The following B3GALT1 variants were observed in gnomAD, a reference collection of about 807,000 sequenced individuals.
B3GALT1 encodes the protein beta-1,3-galactosyltransferase 1.
A neutral mutation model predicts 23.2 loss-of-function variants in B3GALT1; 10 were observed. The observed-to-expected ratio is 0.43, with a 90% CI of 0.27 to 0.73. The LOEUF (loss-of-function observed/expected upper bound fraction) is 0.73, where lower values mean the gene tolerates loss of function less well. Ranked by LOEUF, B3GALT1 falls within the 30% of genes least tolerant of loss-of-function variation. B3GALT1 has a pLI of 0.21. For missense variants in B3GALT1, 299 were observed against 405.4 expected (o/e 0.74, Z 2.25); for synonymous variants, 156 against 141.5 (o/e 1.10, Z -0.73).
intron 1 of B3GALT1, among the ~76,000 whole-genome samples, chr2:167,323,909 A>G (rs888191798): frequency 6.6e-6 from 1 of 151,892 alleles, no homozygotes; most frequent in African/African-American, 2.4e-5. Context: ...TATTACTCCA[A>G]AGTTATGCTT....
At chr2:167,432,908 T>C (rs955076276) in intron 1 of B3GALT1, among the ~76,000 whole-genome samples, 2 of 152,192 alleles carry the variant, frequency 1.3e-5, no homozygotes, top group South Asian at 4.1e-4. Flanking sequence ...TTGTTACAAC[T>C]GATGAACCTA....
intron 3 of B3GALT1, among the ~76,000 whole-genome samples, chr2:167,751,730 CT>C (rs1323841243): frequency 6.6e-6 from 1 of 152,166 alleles, no homozygotes; most frequent in Non-Finnish European, 1.5e-5. Flanking sequence ...TATTTCACAG[CT>C]CATTTAGTCA....
At chr2:167,330,549 G>T (rs761475566) in intron 1 of B3GALT1, among the ~76,000 whole-genome samples, 3 of 152,160 alleles carry the variant, frequency 2.0e-5, no homozygotes, top group Non-Finnish European at 2.9e-5. Context: ...GGTTGAGGCC[G>T]CAGTGAGCCA....
chr2:167,863,737 G>A (rs1690151394), intron 4 of B3GALT1, among the ~76,000 whole-genome samples: 1 of 152,092 alleles, frequency 6.6e-6, no homozygotes, highest in Non-Finnish European at 1.5e-5. Context: ...AATCTGTTTG[G>A]TTATAAGCAA....
At chr2:167,806,784 G>C (rs1307503055) in intron 3 of B3GALT1, among the ~76,000 whole-genome samples, 1 of 152,014 alleles carries the variant, frequency 6.6e-6, no homozygotes, top group Non-Finnish European at 1.5e-5. Context: ...CTCTTTTTTT[G>C]TTGTGTCTCT....
chr2:167,633,276 G>T (rs566338342), intron 2 of B3GALT1, among the ~76,000 whole-genome samples: 2 of 151,908 alleles, frequency 1.3e-5, no homozygotes, highest in Admixed American at 1.3e-4. Context: ...AATGTTAAGG[G>T]CAGCCAGAGA....
At chr2:167,814,617 G>GA (rs1688956401) in intron 3 of B3GALT1, among the ~76,000 whole-genome samples, 1 of 152,124 alleles carries the variant, frequency 6.6e-6, no homozygotes, top group Admixed American at 6.5e-5. Context: ...AATTAGCCAG[G>GA]CTTGGTGGTA....
intron 2 of B3GALT1, among the ~76,000 whole-genome samples, chr2:167,621,854 A>T (rs1228920176): frequency 6.6e-6 from 1 of 151,860 alleles, no homozygotes. Flanking sequence ...TTCCACCATG[A>T]TTGTGTGTTT....
chr2:167,640,256 G>C (rs1020255781), intron 2 of B3GALT1, among the ~76,000 whole-genome samples: 1 of 152,048 alleles, frequency 6.6e-6, no homozygotes, highest in Non-Finnish European at 1.5e-5. Flanking sequence ...TATTGCCTCA[G>C]AATTGGGAAA....
intron 1 of B3GALT1, among the ~76,000 whole-genome samples, chr2:167,351,268 CAA>C (rs890751165): frequency 0.013 from 807 of 64,212 alleles, 12 homozygotes; most frequent in African/African-American, 0.038. Context: ...GACTCCGTCT[CAA>C]AAAAAAAAAA....
chr2:167,528,972 C>T (rs1683271602), intron 2 of B3GALT1, among the ~76,000 whole-genome samples: 1 of 151,974 alleles, frequency 6.6e-6, no homozygotes, highest in South Asian at 2.1e-4. Context: ...CTGTTATCTC[C>T]CTTTGTGTAT....
chr2:167,656,192 C>T (rs1224557474), intron 3 of B3GALT1, among the ~76,000 whole-genome samples: 8 of 152,136 alleles, frequency 5.3e-5, no homozygotes, highest in Non-Finnish European at 8.8e-5. Flanking sequence ...TAATCTTCCT[C>T]CTGCCCATAA....
At chr2:167,618,567 C>A (rs1685202038) in intron 2 of B3GALT1, among the ~76,000 whole-genome samples, 1 of 151,954 alleles carries the variant, frequency 6.6e-6, no homozygotes, top group Admixed American at 6.6e-5. Flanking sequence ...ATCTAATCTA[C>A]AAATCTTACT....
At chr2:167,355,194 G>A (rs1461661678) in intron 1 of B3GALT1, among the ~76,000 whole-genome samples, 1 of 152,178 alleles carries the variant, frequency 6.6e-6, no homozygotes, top group Non-Finnish European at 1.5e-5. Flanking sequence ...CATGTCTCAG[G>A]ATGATGATGC....
At chr2:167,564,534 C>T (rs1484932034) in intron 2 of B3GALT1, among the ~76,000 whole-genome samples, 8 of 152,072 alleles carry the variant, frequency 5.3e-5, no homozygotes, top group South Asian at 2.1e-4. Flanking sequence ...GAGGCCGCAG[C>T]GAGCCGAGAC....
intron 2 of B3GALT1, among the ~76,000 whole-genome samples, chr2:167,584,115 T>TC (rs1168381065): frequency 8.5e-5 from 13 of 152,142 alleles, no homozygotes; most frequent in African/African-American, 2.9e-4. Flanking sequence ...TGGCTTTTTT[T>TC]CCCACTTTTC....
intron 3 of B3GALT1, among the ~76,000 whole-genome samples, chr2:167,699,171 C>T (rs1351656441): frequency 6.6e-6 from 1 of 151,990 alleles, no homozygotes; most frequent in Non-Finnish European, 1.5e-5. Flanking sequence ...GAGGGTTTTC[C>T]CCACTCTGAG....
chr2:167,719,904 C>T (rs1030512285), intron 3 of B3GALT1, among the ~76,000 whole-genome samples: 2 of 151,900 alleles, frequency 1.3e-5, no homozygotes, highest in Admixed American at 1.3e-4. Context: ...TGCACTCCAG[C>T]CTGGGTGACA....
rs836723 is a variant in B3GALT1, at chr2:167,818,696, G to A, written c.-327G>A. ...GGGCTACGCAGCTTGCTCCTGGCAC[G>A]GGCACCTTGAATCTCCTCCTCACAC... On this transcript the variant is annotated 5_prime_UTR_variant, in exon 4 of 5. Coordinates refer to ENST00000392690, the MANE Select transcript of B3GALT1 (RefSeq NM_020981.4). Among the ~76,000 whole-genome samples the A allele has an allele frequency of 0.24, 36,105 of 151,476 alleles. 4,739 individuals carry two copies. Among genetic ancestry groups the A allele is most frequent in the East Asian group, 0.56 (2,879 of 5,146 alleles).
Sources: allele counts gnomAD v4.1 joint callset (sites outside exome capture counted in the v4.1 genomes callset), GRCh38; gene constraint gnomAD v4.1.1; transcripts MANE v1.5; gene names NCBI Gene and HGNC (gene_info 2026-07-23, HGNC 2026-07-21).